The following CPED1 variants were observed in gnomAD, a reference collection of about 807,000 sequenced individuals.
The protein encoded by CPED1 is cadherin-like and PC-esterase domain-containing protein 1.
Under a neutral mutation model 128.2 loss-of-function variants are expected in CPED1, and 114 were observed. That is an observed-to-expected ratio of 0.89 (90% CI 0.76 to 1.04). CPED1 has a LOEUF of 1.04. Among genes scored for constraint, CPED1 ranks in the 50% least tolerant of loss-of-function variants. The pLI, the probability that CPED1 is intolerant of heterozygous loss-of-function variation, is 0.00. For synonymous variants in CPED1, 462 were observed against 426.7 expected (o/e 1.08, Z -1.02); for missense variants, 1,211 against 1,207.1 (o/e 1.00, Z -0.05).
intron 16 of CPED1, among the ~76,000 whole-genome samples, chr7:121,170,164 T>C (rs1454143936): frequency 2.0e-5 from 3 of 152,202 alleles, no homozygotes; most frequent in Admixed American, 6.5e-5. Flanking sequence ...AGTGAGTCCA[T>C]ATATAAGAAA....
intron 16 of CPED1, among the ~76,000 whole-genome samples, chr7:121,221,728 T>A (rs1797884490): frequency 6.6e-6 from 1 of 152,228 alleles, no homozygotes; most frequent in African/African-American, 2.4e-5. Context: ...TGATGAGCAT[T>A]TTTTAATGTG....
chr7:121,113,212 A>T (rs1172147747), intron 7 of CPED1, among the ~76,000 whole-genome samples: 4 of 152,226 alleles, frequency 2.6e-5, no homozygotes, highest in Non-Finnish European at 5.9e-5. Flanking sequence ...AATTCAACTC[A>T]GTTGTACTCC....
chr7:121,138,202 C>T (rs1795824779), intron 14 of CPED1, among the ~76,000 whole-genome samples: 1 of 151,922 alleles, frequency 6.6e-6, no homozygotes, highest in South Asian at 2.1e-4. Flanking sequence ...ATGATTATTC[C>T]TCAAGAGAGC....
chr7:121,187,516 T>C (rs1414059599), intron 16 of CPED1, among the ~76,000 whole-genome samples: 2 of 152,102 alleles, frequency 1.3e-5, no homozygotes, highest in East Asian at 1.9e-4. Context: ...TTGTAGGTGA[T>C]GGCAGGAGTG....
At chr7:121,219,900 CA>C (rs918328401) in intron 16 of CPED1, among the ~76,000 whole-genome samples, 3 of 151,906 alleles carry the variant, frequency 2.0e-5, no homozygotes, top group African/African-American at 7.2e-5. Flanking sequence ...ATTTTCTGCA[CA>C]AAAAATAGAA....
At chr7:121,065,894 C>G (rs1793818755) in intron 5 of CPED1, among the ~76,000 whole-genome samples, 1 of 151,982 alleles carries the variant, frequency 6.6e-6, no homozygotes, top group Admixed American at 6.6e-5. Flanking sequence ...GGAATTATTT[C>G]TACCATCATG....
intron 3 of CPED1, among the ~76,000 whole-genome samples, chr7:121,035,287 A>G (rs1443703217): frequency 6.6e-6 from 1 of 152,246 alleles, no homozygotes; most frequent in African/African-American, 2.4e-5. Flanking sequence ...CTCTGACTAT[A>G]GGAAGAAAAA....
At chr7:121,214,085 C>A (rs1584602842) in intron 16 of CPED1, among the ~76,000 whole-genome samples, 1 of 151,910 alleles carries the variant, frequency 6.6e-6, no homozygotes, top group African/African-American at 2.4e-5. Context: ...GAATGCCTCA[C>A]AGTTTGGAAT....
chr7:121,027,755 T>TA (rs1562997035), intron 3 of CPED1, among the ~76,000 whole-genome samples: 1 of 144,838 alleles, frequency 6.9e-6, no homozygotes, highest in South Asian at 2.2e-4. Context: ...ATAATAATAA[T>TA]AATAATAATA....
intron 4 of CPED1, among the ~76,000 whole-genome samples, chr7:121,048,695 C>G (rs533503233): frequency 6.6e-6 from 1 of 152,090 alleles, no homozygotes; most frequent in East Asian, 1.9e-4. Context: ...TGTACCACCA[C>G]GCCTGGCTAA....
chr7:121,109,511 C>T lies in CPED1; in HGVS notation c.918+9417C>T, dbSNP rs539013152. Reference sequence around the variant, plus strand: ...GCATCCCTTTATTTACATATATATCCGTATTCATATGCACTATGTTTCCCC... The same window carrying T: ...GCATCCCTTTATTTACATATATATCTGTATTCATATGCACTATGTTTCCCC... On this transcript the variant is annotated intron_variant, in intron 7 of 22. Coordinates refer to ENST00000310396, the MANE Select transcript of CPED1 (RefSeq NM_024913.5). Among the ~76,000 whole-genome samples the T allele has an allele frequency of 9.2e-5, 14 of 152,174 alleles. No homozygotes were observed. In the South Asian group the frequency reaches 2.3e-3, roughly 25 times the overall value.
intron 16 of CPED1, among the ~76,000 whole-genome samples, chr7:121,179,929 T>TA (rs1282599706): frequency 2.0e-5 from 3 of 152,148 alleles, no homozygotes; most frequent in Middle Eastern, 3.4e-3. Context: ...AAAATGAAAC[T>TA]AACAATGATT....
intron 5 of CPED1, among the ~76,000 whole-genome samples, chr7:121,074,432 A>C (rs1794070058): frequency 6.6e-6 from 1 of 151,112 alleles, no homozygotes; most frequent in Admixed American, 6.6e-5. Flanking sequence ...CTTTCACAAA[A>C]GAGTTGAGTT....
intron 3 of CPED1, among the ~76,000 whole-genome samples, chr7:121,026,099 G>T (rs374644439): frequency 6.6e-6 from 1 of 152,126 alleles, no homozygotes; most frequent in African/African-American, 2.4e-5. Flanking sequence ...AGCTCTGAGC[G>T]ATCATTTCTT....
intron 2 of CPED1, among the ~76,000 whole-genome samples, chr7:120,997,923 GAAAAA>G (rs1252282559): frequency 2.6e-5 from 3 of 114,014 alleles, no homozygotes; most frequent in South Asian, 5.4e-4. Context: ...ACTCGGTCTC[GAAAAA>G]AAATAAAATA....
intron 13 of CPED1, 84 bp downstream of exon 13, chr7:121,133,977 A>T: frequency 1.4e-6 from 1 of 724,310 alleles, no homozygotes; most frequent in Non-Finnish European, 2.3e-6. Flanking sequence ...TAGCTTCATT[A>T]GCAATCAAAA....
intron 16 of CPED1, among the ~76,000 whole-genome samples, chr7:121,171,845 C>T (rs1796654122): frequency 6.6e-6 from 1 of 152,096 alleles, no homozygotes; most frequent in Non-Finnish European, 1.5e-5. Context: ...AAAATGAATT[C>T]ATTATAAAAT....
chr7:121,067,471 C>T (rs1793867697), intron 5 of CPED1, among the ~76,000 whole-genome samples: 1 of 152,138 alleles, frequency 6.6e-6, no homozygotes, highest in Non-Finnish European at 1.5e-5. Context: ...GCATAGTATT[C>T]CATGGTGTAC....
At chr7:121,153,135 A>G (rs915543866) in intron 16 of CPED1, among the ~76,000 whole-genome samples, 1 of 152,224 alleles carries the variant, frequency 6.6e-6, no homozygotes, top group Non-Finnish European at 1.5e-5. Context: ...CTGTTTTAAT[A>G]AATTAGTAGC....
Sources: gnomAD v4.1 joint callset for allele counts (sites outside exome capture counted in the v4.1 genomes callset) on GRCh38, gnomAD v4.1.1 for gene constraint, MANE v1.5 for transcripts, NCBI Gene and HGNC (gene_info 2026-07-23, HGNC 2026-07-21) for gene names.